The following EFCAB6 variants were observed in gnomAD, a reference collection of about 807,000 sequenced individuals.
The protein encoded by EFCAB6 is EF-hand calcium-binding domain-containing protein 6.
A neutral mutation model predicts 169.8 loss-of-function variants in EFCAB6; 156 were observed. That is an observed-to-expected ratio of 0.92 (90% confidence interval 0.81 to 1.05). The LOEUF (loss-of-function observed/expected upper bound fraction) is 1.05. Ranked by LOEUF, EFCAB6 falls within the 50% of genes least tolerant of loss-of-function variation. EFCAB6 has a pLI of 0.00. For synonymous variants in EFCAB6, 698 were observed against 676.4 expected (o/e 1.03, Z -0.50); for missense variants, 1,800 against 1,829.1 (o/e 0.98, Z 0.29).
At chr22:43,606,063 G>A (rs1422238751) in intron 22 of EFCAB6, among the ~76,000 whole-genome samples, 1 of 152,214 alleles carries the variant, frequency 6.6e-6, no homozygotes, top group Non-Finnish European at 1.5e-5. Context: ...GAGGGAAAAA[G>A]GGATTCACTG....
intron 20 of EFCAB6, among the ~76,000 whole-genome samples, chr22:43,626,105 ATATG>A (rs1438791030): frequency 2.0e-5 from 3 of 152,226 alleles, no homozygotes; most frequent in Non-Finnish European, 2.9e-5. Flanking sequence ...ACATGAATAT[ATATG>A]TAAGTATATG....
At chr22:43,780,799 G>C (rs1306406159) in intron 3 of EFCAB6, among the ~76,000 whole-genome samples, 3 of 152,196 alleles carry the variant, frequency 2.0e-5, no homozygotes, top group Non-Finnish European at 4.4e-5. Flanking sequence ...CATGGGACCT[G>C]GTGGTTCAAG....
chr22:43,606,147 G>A (rs902924480), intron 22 of EFCAB6, among the ~76,000 whole-genome samples: 5 of 152,278 alleles, frequency 3.3e-5, no homozygotes, highest in Middle Eastern at 3.4e-3. Context: ...TCTCTCTCTA[G>A]CAAACCAGAT....
chr22:43,782,353 T>A (rs776253264), intron 2 of EFCAB6, 28 bp from the exon 3 acceptor site: 2 of 1,605,564 alleles, frequency 1.2e-6, no homozygotes, highest in South Asian at 2.2e-5. Flanking sequence ...ACAGATTACG[T>A]TACCTTAAAG....
chr22:43,551,986 C>T (rs2048410098), intron 27 of EFCAB6: 2 of 152,020 alleles, frequency 1.3e-5, no homozygotes, highest in Non-Finnish European at 2.9e-5. Context: ...TGCCACCGTG[C>T]CCAGCTAATT....
Position 43,572,834 on chromosome 22 carries a change from C to A in EFCAB6, c.3420+3463G>T, listed in dbSNP as rs1330732827. The stretch of plus-strand genomic sequence containing the variant: ...TGGAGGCAGGGACTGCATTTGTTTA[C>A]TTTGCTGCTAAACCTGGCACCCAGC... On this transcript the variant is annotated intron_variant, in intron 26 of 31. Transcript: ENST00000262726. This position sits in a 1 kb window ranked among gnomAD's most constrained non-coding sequence, Gnocchi z 4.0. Among the ~76,000 whole-genome samples the A allele has an allele frequency of 6.6e-6, 1 of 152,240 alleles. No homozygotes were observed. The highest frequency in any genetic ancestry group is 1.5e-5 in the Non-Finnish European group (1 of 68,052).
intron 23 of EFCAB6, among the ~76,000 whole-genome samples, chr22:43,591,377 A>C (rs1054011592): frequency 6.6e-6 from 1 of 151,298 alleles, no homozygotes; most frequent in Non-Finnish European, 1.5e-5. Context: ...GAATCGCTTC[A>C]ACCCGGGAGG....
chr22:43,670,984 G>A lies in EFCAB6; in HGVS notation c.1640+989C>T, dbSNP rs1433980554. On this transcript the variant is annotated intron_variant, in intron 15 of 31. Coordinates refer to ENST00000262726, the MANE Select transcript of EFCAB6 (RefSeq NM_022785.4). Reference sequence around the variant, plus strand: ...TCATTTGATCCTTATCACAACTCTAGTAAGAAATATCTGGATGAAGAAATA... The same window carrying A: ...TCATTTGATCCTTATCACAACTCTAATAAGAAATATCTGGATGAAGAAATA... Among the ~76,000 whole-genome samples the A allele has an allele frequency of 2.0e-5, 3 of 152,162 alleles. No homozygotes were observed. In the East Asian group the frequency reaches 5.8e-4, roughly 29 times the overall value.
chr22:43,765,300 C>A lies in EFCAB6; in HGVS notation c.440+5G>T. The A allele has an allele frequency of 6.2e-7, 1 of 1,608,624 alleles. No homozygotes were observed. The highest frequency in any genetic ancestry group is 8.5e-7 in the Non-Finnish European group (1 of 1,175,694). The stretch of plus-strand genomic sequence containing the variant: ...CATTTTCACATGAGCAAACCAAACA[C>A]TTACCTCTTTATACCATTTATATAT... On this transcript the variant is annotated splice_donor_5th_base_variant and intron_variant, in intron 5 of 31. Transcript: ENST00000262726.
intron 21 of EFCAB6, among the ~76,000 whole-genome samples, chr22:43,612,561 C>T (rs987899343): frequency 1.3e-5 from 2 of 152,168 alleles, no homozygotes; most frequent in Admixed American, 6.5e-5. Context: ...ATCAAAACCA[C>T]AATGAGATAC....
intron 2 of EFCAB6, among the ~76,000 whole-genome samples, chr22:43,784,459 T>G (rs1249974401): frequency 1.4e-5 from 2 of 140,084 alleles, no homozygotes; most frequent in Non-Finnish European, 3.1e-5. Flanking sequence ...AAGACCACCC[T>G]GGGCAACAGA....
At chr22:43,665,766 A>C (rs552509229) in intron 17 of EFCAB6, among the ~76,000 whole-genome samples, 1 of 152,270 alleles carries the variant, frequency 6.6e-6, no homozygotes, top group East Asian at 1.9e-4. Context: ...GAATGACTTA[A>C]AACATTTCCT....
chr22:43,807,540 T>A (rs2062963313), intron 2 of EFCAB6, among the ~76,000 whole-genome samples: 1 of 152,218 alleles, frequency 6.6e-6, no homozygotes, highest in Admixed American at 6.5e-5. Flanking sequence ...CACGTGCTAT[T>A]TATATCAGAA....
At chr22:43,811,301 G>GAA (rs2063111137) in intron 1 of EFCAB6, among the ~76,000 whole-genome samples, 1 of 130,030 alleles carries the variant, frequency 7.7e-6, no homozygotes, top group East Asian at 2.8e-4. Context: ...CGAGGGGAGG[G>GAA]AAGGGGAGGG....
intron 5 of EFCAB6, among the ~76,000 whole-genome samples, chr22:43,757,366 G>A (rs1358849509): frequency 1.3e-5 from 2 of 152,134 alleles, no homozygotes; most frequent in Admixed American, 6.5e-5. Context: ...TTACCAACAT[G>A]GAGAAACCCC....
chr22:43,662,649 G>C (rs2057061687), intron 17 of EFCAB6, among the ~76,000 whole-genome samples: 1 of 150,914 alleles, frequency 6.6e-6, no homozygotes, highest in African/African-American at 2.5e-5. Context: ...ATGACCAAAA[G>C]GACAGGAAGA....
intron 23 of EFCAB6, among the ~76,000 whole-genome samples, chr22:43,593,066 T>A (rs1192205603): frequency 1.4e-5 from 2 of 145,018 alleles, no homozygotes. Flanking sequence ...GAGGAGGAGG[T>A]AAAAAAAAAA....
chr22:43,579,510 G>A (rs1038805636), intron 25 of EFCAB6, among the ~76,000 whole-genome samples: 1 of 149,114 alleles, frequency 6.7e-6, no homozygotes, highest in African/African-American at 2.5e-5. Context: ...TTACCTGCAA[G>A]CATCATTCCA....
At chr22:43,761,242 T>A (rs1256206187) in intron 5 of EFCAB6, among the ~76,000 whole-genome samples, 1 of 152,238 alleles carries the variant, frequency 6.6e-6, no homozygotes, top group African/African-American at 2.4e-5. Flanking sequence ...AAATTTCTTT[T>A]CTTACACACT....
Sources: allele counts gnomAD v4.1 joint callset (sites outside exome capture counted in the v4.1 genomes callset), GRCh38; gene constraint gnomAD v4.1.1; non-coding constraint Gnocchi (gnomAD v3.1); transcripts MANE v1.5; gene names NCBI Gene and HGNC (gene_info 2026-07-23, HGNC 2026-07-21).